SLC7A5: variants seen among roughly 807,000 people sequenced by gnomAD.
The protein encoded by SLC7A5 is large neutral amino acids transporter small subunit 1.
In SLC7A5, 23 loss-of-function variants were observed where a neutral mutation model predicts 50.2. The ratio of observed to expected loss-of-function variants is 0.46; its 90% confidence interval spans 0.33 to 0.65. SLC7A5 has a LOEUF of 0.65. Ranked by LOEUF, SLC7A5 falls within the 30% of genes least tolerant of loss-of-function variation. The pLI, the probability that SLC7A5 is intolerant of heterozygous loss-of-function variation, is 0.02. For synonymous variants in SLC7A5, 393 were observed against 330.6 expected, an observed-to-expected ratio of 1.19 and a Z score of -2.05; for missense variants, 578 against 684.4, an observed-to-expected ratio of 0.84 and a Z score of 1.73.
At position 87,839,568 on chromosome 16, in the gene SLC7A5, G is replaced by A. The variant is rs543100218; in HGVS notation, c.939+134C>T. 2.4e-5 allele frequency: 31 copies of A among 1,267,980 alleles called. No individual in the cohort carries two copies. The Admixed American group carries it at 5.3e-4, about 22-fold the overall frequency. 78.5% of individuals were successfully genotyped at this position (1,267,980 alleles called of 1,614,324 possible). ...GACCACCACTCCACCCCTCCGGGTA[G>A]GGGAGGCTTAGAGACGCGGGGCCCC... On this transcript the variant is annotated intron_variant, in intron 5 of 9. Coordinates refer to ENST00000261622, the MANE Select transcript of SLC7A5 (RefSeq NM_003486.7).
At chr16:87,844,928 G>A (rs1411680931) in intron 2 of SLC7A5, among the ~76,000 whole-genome samples, 4 of 152,268 alleles carry the variant, frequency 2.6e-5, no homozygotes, top group Non-Finnish European at 4.4e-5. Flanking sequence ...GAAGGACCTT[G>A]AGATGAGATC....
At position 87,853,393 on chromosome 16, in the gene SLC7A5, T is replaced by C. The variant is rs1344695772; in HGVS notation, c.539-1544A>G. ...ACACCAGGAAAGTCTGGTTGAAAAA[T>C]GTCTGAAAGTCAGTGTTTTCGCTGC... On this transcript the variant is annotated intron_variant, in intron 1 of 9. Coordinates refer to ENST00000261622, the MANE Select transcript of SLC7A5 (RefSeq NM_003486.7). This position sits in a 1 kb window ranked among gnomAD's most constrained non-coding sequence, Gnocchi z 4.4. 6.6e-6 allele frequency among the ~76,000 whole-genome samples: 1 copy of C among 152,146 alleles called. No homozygotes were observed. The highest frequency in any genetic ancestry group is 1.9e-4 in the East Asian group (1 of 5,194).
At position 87,851,811 on chromosome 16, in the gene SLC7A5, C is replaced by T. The variant is rs747082894; in HGVS notation, c.577G>A (p.Ala193Thr). 15 of 1,612,940 alleles carry T rather than the reference C, an allele frequency of 9.3e-6. No individual in the cohort carries two copies. In the East Asian group the frequency reaches 2.5e-4, roughly 26 times the overall value. Residue 193 changes from alanine to threonine, a missense_variant, in exon 2 of 10, where the codon GCC becomes ACC. Transcript: ENST00000261622. ...GCAAAGGCATCCTGGACCCGGGTGG[C>T]GGCCTTCACGCTGTAGCAGTTCACG... The part of the protein sequence containing the change: ...TAVNCYSVKA[A>T]TRVQDAFAAA...
In SLC7A5 at chr16:87,862,923, G is replaced by A. The variant is rs2055416874; in HGVS notation, c.538+5962C>T. On this transcript the variant is annotated intron_variant, in intron 1 of 9. Coordinates refer to ENST00000261622, the MANE Select transcript of SLC7A5 (RefSeq NM_003486.7). This position sits in a 1 kb window ranked among gnomAD's most constrained non-coding sequence, Gnocchi z 5.3. ...GGGAGGAGAGCCACCTCACTCCAGG[G>A]ACCCTGGCACCGTCTCCCATGAGGC... Among the ~76,000 whole-genome samples, 1 of 152,204 alleles carries A rather than the reference G, an allele frequency of 6.6e-6. No homozygotes were observed. Among genetic ancestry groups the A allele is most frequent in the Admixed American group, 6.5e-5 (1 of 15,284 alleles).
intron 5 of SLC7A5, 40 bp from the exon 6 acceptor site, chr16:87,838,857 G>A (rs749177414): frequency 2.2e-5 from 33 of 1,499,838 alleles, no homozygotes; most frequent in Non-Finnish European, 2.6e-5. Flanking sequence ...CCACCGGGCC[G>A]GCCCTCGCCC....
intron 1 of SLC7A5, among the ~76,000 whole-genome samples, chr16:87,854,730 T>C (rs554437434): frequency 2.6e-4 from 40 of 152,232 alleles, no homozygotes; most frequent in African/African-American, 3.1e-4. Flanking sequence ...CTTGGCTTGA[T>C]TGGCAGATAG....
chr16:87,839,562 C>T (rs1049957586), intron 5 of SLC7A5, 140 bp downstream of exon 5: 15 of 1,205,766 alleles, frequency 1.2e-5, no homozygotes, highest in South Asian at 3.7e-5. Flanking sequence ...TCCACCCCTC[C>T]GGGTAGGGGA....
Position 87,861,642 on chromosome 16 carries a change from GC to G in SLC7A5, c.538+7242del, listed in dbSNP as rs2055399762. On this transcript the variant is annotated intron_variant, in intron 1 of 9. Coordinates refer to ENST00000261622, the MANE Select transcript of SLC7A5 (RefSeq NM_003486.7). The surrounding 1 kb of genome is among the most constrained non-coding windows in gnomAD (Gnocchi z 4.2). The stretch of plus-strand genomic sequence containing the variant: ...CTTGGACACCCCTCTCCTGGGGGTG[GC>G]TCTCAACCTGGCCTGGGCCCCCGGG... Among the ~76,000 whole-genome samples the G allele has an allele frequency of 6.6e-6, 1 of 152,196 alleles. No homozygotes were observed. The highest frequency in any genetic ancestry group is 1.9e-4 in the East Asian group (1 of 5,188).
intron 1 of SLC7A5, 114 bp downstream of exon 1, chr16:87,868,771 A>G: frequency 8.9e-7 from 1 of 1,117,348 alleles, no homozygotes; most frequent in Admixed American, 2.0e-5. Context: ...AACTGCCGGG[A>G]TGGTCCAGGA....
rs2054925086 is a variant in SLC7A5, at chr16:87,830,724, C to G, written c.*2246G>C. 6.6e-6 allele frequency: 1 copy of G among 152,356 alleles called. No homozygotes were observed. The highest frequency in any genetic ancestry group is 2.4e-5 in the African/African-American group (1 of 41,458). The allele number at this position is 152,356 out of a possible 1,614,324, so 9.4% of individuals were successfully genotyped here. A position where few individuals can be genotyped will look rare whatever the true frequency, so the allele number is the denominator to read the frequency against. Reference sequence around the variant, plus strand: ...GACCTGCGCAGTGTGAAGACGGACCCCAGCGGCCCCAGCCATTTCACTAGC... The same window carrying G: ...GACCTGCGCAGTGTGAAGACGGACCGCAGCGGCCCCAGCCATTTCACTAGC... On this transcript the variant is annotated 3_prime_UTR_variant, in exon 10 of 10. Transcript: ENST00000261622.
At chr16:87,851,088 G>C (rs1597506101) in intron 2 of SLC7A5, among the ~76,000 whole-genome samples, 1 of 152,134 alleles carries the variant, frequency 6.6e-6, no homozygotes, top group Non-Finnish European at 1.5e-5. Context: ...CCAAAGTCTG[G>C]GCCAGCCAGC....
Position 87,868,947 on chromosome 16 carries a change from G to A in SLC7A5, c.476C>T (p.Pro159Leu). ...GGGCACCGGGCAGGTGGGGAAGAGC[G>A]GCTTGAGCAGGTAGGTGGCGAAGAC... ...ALVFATYLLK[P>L]LFPTCPVPEE... Residue 159 changes from proline (P) to leucine (L), a missense_variant, in exon 1 of 10, where the codon CCG becomes CTG. By Grantham distance (98) the Pro-to-Leu change is moderately conservative (BLOSUM62 -3). This residue lies in a region of SLC7A5 where 465 missense variants were observed against 594.6 expected (regional missense o/e 0.78). Transcript: ENST00000261622. 1.2e-6 allele frequency: 2 copies of A among 1,609,796 alleles called. No homozygotes were observed. The highest frequency in any genetic ancestry group is 8.5e-7 in the Non-Finnish European group (1 of 1,179,198).
At position 87,849,875 on chromosome 16, in the gene SLC7A5, T is replaced by C. The variant is rs552395027; in HGVS notation, c.664+1849A>G. 2.0e-5 allele frequency among the ~76,000 whole-genome samples: 3 copies of C among 152,170 alleles called. No individual in the cohort carries two copies. The South Asian group carries it at 6.2e-4, about 32-fold the overall frequency. On this transcript the variant is annotated intron_variant, in intron 2 of 9. Coordinates refer to ENST00000261622, the MANE Select transcript of SLC7A5 (RefSeq NM_003486.7). ...GGGATGGGCTCGAGCTCCTGAAGGA[T>C]TGACCTGGGCAACCTTCCAGAGCCA...
intron 2 of SLC7A5, among the ~76,000 whole-genome samples, chr16:87,851,255 A>G (rs976471767): frequency 6.6e-6 from 1 of 152,222 alleles, no homozygotes; most frequent in Admixed American, 6.5e-5. Context: ...ACACCTGCCC[A>G]TGGAATGATG....
Position 87,830,091 on chromosome 16 carries a change from G to C in SLC7A5, c.*2879C>G, listed in dbSNP as rs1024395915. The C allele has an allele frequency of 6.6e-6, 1 of 152,176 alleles. No individual in the cohort carries two copies. The highest frequency in any genetic ancestry group is 1.5e-5 in the Non-Finnish European group (1 of 68,046). The allele number at this position is 152,176 out of a possible 1,614,324, so 9.4% of individuals were successfully genotyped here. The stretch of plus-strand genomic sequence containing the variant: ...AAGCCAGAACACCCTACCCAACCCA[G>C]CCCAGTGTAACAGGTTAGCCATTAA... On this transcript the variant is annotated 3_prime_UTR_variant, in exon 10 of 10. Transcript: ENST00000261622.
intron 2 of SLC7A5, among the ~76,000 whole-genome samples, chr16:87,844,034 C>G (rs1483567754): frequency 6.6e-6 from 1 of 150,740 alleles, no homozygotes; most frequent in Non-Finnish European, 1.5e-5. Context: ...TGACAGTCTG[C>G]TATCCAGTCA....
chr16:87,854,954 G>A (rs557398902), intron 1 of SLC7A5, among the ~76,000 whole-genome samples: 1 of 152,226 alleles, frequency 6.6e-6, no homozygotes, highest in Admixed American at 6.5e-5. Context: ...CCTCATCTTC[G>A]GGTGGGCATT....
At chr16:87,855,585 G>C (rs868564379) in intron 1 of SLC7A5, among the ~76,000 whole-genome samples, 1 of 151,950 alleles carries the variant, frequency 6.6e-6, no homozygotes, top group Non-Finnish European at 1.5e-5. Flanking sequence ...GCCCGTGAAC[G>C]CTCACCTCTG....
rs1695213850 is a variant in SLC7A5 at position 87,862,355 on chromosome 16, A to G, written c.538+6530T>C. Among the ~76,000 whole-genome samples the G allele has an allele frequency of 6.6e-6, 1 of 152,044 alleles. No homozygotes were observed. Among genetic ancestry groups the G allele is most frequent in the Non-Finnish European group, 1.5e-5 (1 of 67,976 alleles). ...GGCCAACTGGCCTTTGAGTCCACTG[A>G]CCACAGCTAAGCCCACAGCCATCAA... is the stretch of plus-strand genomic sequence containing the variant. On this transcript the variant is annotated intron_variant, in intron 1 of 9. Transcript: ENST00000261622. This position sits in a 1 kb window ranked among gnomAD's most constrained non-coding sequence, Gnocchi z 5.3.
Sources: allele counts gnomAD v4.1 joint callset (sites outside exome capture counted in the v4.1 genomes callset), GRCh38; gene constraint gnomAD v4.1.1; regional missense constraint gnomAD v4.1.1; non-coding constraint Gnocchi (gnomAD v3.1); transcripts MANE v1.5; gene names NCBI Gene and HGNC (gene_info 2026-07-23, HGNC 2026-07-21).